DTNA: variants seen among roughly 807,000 people sequenced by gnomAD.
The protein encoded by DTNA is dystrobrevin alpha.
In DTNA, 43 loss-of-function variants were observed where a neutral mutation model predicts 100.7. The ratio of observed to expected loss-of-function variants is 0.43; its 90% CI spans 0.33 to 0.55. DTNA has a LOEUF of 0.55. Among genes scored for constraint, DTNA ranks in the 20% least tolerant of loss-of-function variants. The probability of loss-of-function intolerance (pLI) is 0.04; values close to 1 mark genes in which losing one functional copy is unlikely to be tolerated. For synonymous variants in DTNA, 349 were observed against 347.9 expected, an observed-to-expected ratio of 1.00 and a Z score of -0.04; for missense variants, 798 against 953.9, an observed-to-expected ratio of 0.84 and a Z score of 2.15.
chr18:34,851,820 A>G lies in DTNA; in HGVS notation c.1435-11A>G, dbSNP rs758607581. The G allele has an allele frequency of 1.9e-5, 31 of 1,613,592 alleles. No homozygotes were observed. The highest frequency in any genetic ancestry group is 2.6e-5 in the Non-Finnish European group (31 of 1,179,692). ...CTCAATATGAAATCTTATAAACTAC[A>G]TATTTTACAGCAGCCACCTCAGCAG... On this transcript the variant is annotated splice_polypyrimidine_tract_variant and intron_variant, in intron 14 of 22. Coordinates refer to ENST00000444659, the MANE Select transcript of DTNA (RefSeq NM_001386795.1).
At chr18:34,804,908 T>G (rs1306367977) in intron 4 of DTNA, among the ~76,000 whole-genome samples, 1 of 152,168 alleles carries the variant, frequency 6.6e-6, no homozygotes, top group Non-Finnish European at 1.5e-5. Context: ...AAATAACAAA[T>G]GATCCCTCTC....
intron 1 of DTNA, among the ~76,000 whole-genome samples, chr18:34,717,608 T>A (rs2084313718): frequency 6.6e-6 from 1 of 152,190 alleles, no homozygotes. Flanking sequence ...TATATTTGTG[T>A]TGGACACTGA....
chr18:34,569,895 A>ACG (rs893188262), intron 1 of DTNA, among the ~76,000 whole-genome samples: 2 of 151,888 alleles, frequency 1.3e-5, no homozygotes, highest in African/African-American at 4.9e-5. Flanking sequence ...ATACACACAC[A>ACG]CACACACACA....
chr18:34,821,200 C>T (rs1434840872), intron 9 of DTNA: 3 of 555,808 alleles, frequency 5.4e-6, no homozygotes, highest in South Asian at 1.6e-5. Flanking sequence ...GGTGTCTGCA[C>T]ATTGGAAGTT....
intron 1 of DTNA, among the ~76,000 whole-genome samples, chr18:34,526,569 G>T (rs1174739966): frequency 6.6e-6 from 1 of 150,784 alleles, no homozygotes; most frequent in Non-Finnish European, 1.5e-5. Flanking sequence ...TAGAATTAAT[G>T]AATAACAGAA....
intron 1 of DTNA, among the ~76,000 whole-genome samples, chr18:34,653,989 T>G (rs535953852): frequency 6.6e-6 from 1 of 152,358 alleles, no homozygotes; most frequent in Middle Eastern, 3.4e-3. Context: ...GAGTTTTTCT[T>G]GTCAGCCATT....
chr18:34,876,330 C>A (rs1321098709), intron 18 of DTNA, among the ~76,000 whole-genome samples: 2 of 151,974 alleles, frequency 1.3e-5, no homozygotes, highest in African/African-American at 2.4e-5. Context: ...GGTTTTAAGG[C>A]AAAAGAGATC....
chr18:34,495,202 G>A (rs987770656), intron 1 of DTNA, among the ~76,000 whole-genome samples: 2 of 152,104 alleles, frequency 1.3e-5, no homozygotes, highest in African/African-American at 4.8e-5. Context: ...AACCTTAATA[G>A]GTATGTGCTG....
At chr18:34,721,684 A>G (rs1263416988) in intron 1 of DTNA, among the ~76,000 whole-genome samples, 2 of 152,050 alleles carry the variant, frequency 1.3e-5, no homozygotes, top group East Asian at 1.9e-4. Context: ...CCCCAAAACT[A>G]CTCTGCTTCT....
intron 1 of DTNA, among the ~76,000 whole-genome samples, chr18:34,641,779 T>A (rs937441197): frequency 1.3e-5 from 2 of 152,158 alleles, no homozygotes; most frequent in Non-Finnish European, 2.9e-5. Flanking sequence ...TAAGTTGATA[T>A]AAGGACTTCA....
chr18:34,748,809 A>G (rs2091972956), intron 1 of DTNA, among the ~76,000 whole-genome samples: 2 of 152,032 alleles, frequency 1.3e-5, no homozygotes, highest in African/African-American at 4.8e-5. Flanking sequence ...TTCCATGTGA[A>G]TTTTAGGATT....
intron 4 of DTNA, among the ~76,000 whole-genome samples, chr18:34,797,542 C>T (rs1252712497): frequency 1.3e-5 from 2 of 152,168 alleles, no homozygotes. Flanking sequence ...GCAGCTTCTT[C>T]TGTCACCTCT....
chr18:34,736,297 T>C (rs1259434692), intron 1 of DTNA, among the ~76,000 whole-genome samples: 2 of 152,354 alleles, frequency 1.3e-5, no homozygotes, highest in East Asian at 3.9e-4. Context: ...GTTTCCATTT[T>C]TTAGAGATTT....
rs74368023 is a variant in DTNA at position 34,759,312 on chromosome 18, C to G, written c.67+3269C>G. Among the ~76,000 whole-genome samples the G allele has an allele frequency of 5.1e-4, 78 of 152,316 alleles. 1 individual carries two copies. Among genetic ancestry groups the G allele is most frequent in the African/African-American group, 1.8e-3 (75 of 41,574 alleles). On this transcript the variant is annotated intron_variant, in intron 2 of 22. Coordinates refer to ENST00000444659, the MANE Select transcript of DTNA (RefSeq NM_001386795.1). ...TTGTTTGTTCTTGGAATTAAACTCT[C>G]CTTTTCTGTTGTTTTACTCTCAGAG...
chr18:34,770,736 T>C (rs1568465740), intron 3 of DTNA, among the ~76,000 whole-genome samples: 1 of 152,212 alleles, frequency 6.6e-6, no homozygotes, highest in East Asian at 1.9e-4. Context: ...GAACACTAAC[T>C]TGTAACCCCA....
intron 1 of DTNA, among the ~76,000 whole-genome samples, chr18:34,546,586 T>G (rs1471004333): frequency 6.6e-6 from 1 of 152,012 alleles, no homozygotes; most frequent in Non-Finnish European, 1.5e-5. Context: ...GAAGACATAA[T>G]CAATGCATCC....
intron 1 of DTNA, among the ~76,000 whole-genome samples, chr18:34,555,941 C>G (rs1331512572): frequency 1.3e-5 from 2 of 151,220 alleles, no homozygotes; most frequent in Non-Finnish European, 3.0e-5. Flanking sequence ...CTTTCTGTCT[C>G]GTTGATCTGT....
rs2095583922 is a variant in DTNA, at chr18:34,815,833, A to T, written c.604-76A>T. ...TGAGTGCTCTTTTGTTTCAGTCTCA[A>T]ATGATATGATATTTACATAGCAGGT... is the stretch of plus-strand genomic sequence containing the variant. On this transcript the variant is annotated intron_variant, in intron 6 of 22. Transcript: ENST00000444659. 6 of 1,276,468 alleles carry T rather than the reference A, an allele frequency of 4.7e-6. No homozygotes were observed. The South Asian group carries it at 7.2e-5, about 15-fold the overall frequency. 79.1% of individuals were successfully genotyped at this position (1,276,468 alleles called of 1,614,324 possible).
At position 34,890,451 on chromosome 18, in the gene DTNA, A is replaced by G; in HGVS notation, c.*2717A>G. The G allele has an allele frequency of 6.5e-7, 1 of 1,536,138 alleles. No homozygotes were observed. Among genetic ancestry groups the G allele is most frequent in the Non-Finnish European group, 8.7e-7 (1 of 1,146,904 alleles). Reference sequence around the variant, plus strand: ...TGGGGCCTGTTCTAAGTGCAAACCCAGCAAGTTTCACTTGTCCTGTCCATT... The same window carrying G: ...TGGGGCCTGTTCTAAGTGCAAACCCGGCAAGTTTCACTTGTCCTGTCCATT... On this transcript the variant is annotated 3_prime_UTR_variant, in exon 23 of 23. Coordinates refer to ENST00000444659, the MANE Select transcript of DTNA (RefSeq NM_001386795.1).
Sources: allele counts gnomAD v4.1 joint callset (sites outside exome capture counted in the v4.1 genomes callset), GRCh38; gene constraint gnomAD v4.1.1; transcripts MANE v1.5; gene names NCBI Gene and HGNC (gene_info 2026-07-23, HGNC 2026-07-21).